CIBAR1: variants seen among roughly 807,000 people sequenced by gnomAD.
The protein encoded by CIBAR1 is CBY1-interacting BAR domain-containing protein 1.
A neutral mutation model predicts 44.0 loss-of-function variants in CIBAR1; 25 were observed. The observed-to-expected ratio is 0.57, with a 90% CI of 0.41 to 0.79. The LOEUF (loss-of-function observed/expected upper bound fraction) is 0.79, where lower values mean the gene tolerates loss of function less well. Ranked by LOEUF, CIBAR1 falls within the 30% of genes least tolerant of loss-of-function variation. The pLI, the probability that CIBAR1 is intolerant of heterozygous loss-of-function variation, is 0.00. For synonymous variants in CIBAR1, 115 were observed against 119.0 expected (o/e 0.97, Z 0.22); for missense variants, 278 against 344.8 (o/e 0.81, Z 1.53).
intron 6 of CIBAR1, among the ~76,000 whole-genome samples, chr8:93,713,738 A>G (rs1049612004): frequency 3.9e-5 from 6 of 152,214 alleles, no homozygotes; most frequent in Non-Finnish European, 7.3e-5. Flanking sequence ...TGAAGGGACT[A>G]TTCTTTCCTC....
At chr8:93,700,756 C>T in intron 1 of CIBAR1, 83 bp downstream of exon 1, 1 of 1,407,880 alleles carries the variant, frequency 7.1e-7, no homozygotes. Context: ...TCCATGGGGC[C>T]TCTGCGCCGA....
intron 6 of CIBAR1, among the ~76,000 whole-genome samples, chr8:93,710,302 A>T (rs574652445): frequency 6.6e-6 from 1 of 152,178 alleles, no homozygotes; most frequent in South Asian, 2.1e-4. Context: ...CCCCACAACA[A>T]CAAAAAGAAA....
At chr8:93,726,667 A>G in intron 8 of CIBAR1, 154 bp downstream of exon 8, 1 of 794,946 alleles carries the variant, frequency 1.3e-6, no homozygotes, top group South Asian at 1.6e-5. Flanking sequence ...GATTGCATTA[A>G]GTGCAGCTCT....
chr8:93,705,108 G>C, intron 4 of CIBAR1, 98 bp downstream of exon 4: 1 of 763,548 alleles, frequency 1.3e-6, no homozygotes, highest in South Asian at 1.7e-5. Flanking sequence ...TAAACGAGTA[G>C]AGAATTTGAA....
intron 6 of CIBAR1, among the ~76,000 whole-genome samples, chr8:93,710,256 C>T (rs534379468): frequency 6.6e-6 from 1 of 152,124 alleles, no homozygotes; most frequent in Admixed American, 6.5e-5. Flanking sequence ...CCCTGCAGTC[C>T]AGCCTGGGCA....
rs1811706851 is a variant in CIBAR1 at position 93,729,575 on chromosome 8, C to CTACATCTTTGTAGGCA, written c.*1281_*1282insATCTTTGTAGGCATAC. The CTACATCTTTGTAGGCA allele has an allele frequency of 6.6e-6, 1 of 152,108 alleles. No individual in the cohort carries two copies. The highest frequency in any genetic ancestry group is 2.4e-5 in the African/African-American group (1 of 41,434). 9.4% of individuals were successfully genotyped at this position (152,108 alleles called of 1,614,324 possible). On this transcript the variant is annotated 3_prime_UTR_variant, in exon 9 of 9. Transcript: ENST00000518322. ...TTCTGGAATAAAACATACATTCTGC[C>CTACATCTTTGTAGGCA]TACCTCAAAGAAATATTCTAAGAAC...
chr8:93,721,755 T>C (rs756441758), intron 7 of CIBAR1, among the ~76,000 whole-genome samples: 14 of 152,188 alleles, frequency 9.2e-5, no homozygotes, highest in South Asian at 2.1e-4. Flanking sequence ...GCAGTAACTT[T>C]AAATCTACCA....
intron 6 of CIBAR1, among the ~76,000 whole-genome samples, chr8:93,714,747 G>T (rs936559567): frequency 6.6e-6 from 1 of 151,898 alleles, no homozygotes; most frequent in Non-Finnish European, 1.5e-5. Context: ...ACCTCCCCAG[G>T]TGCTGGGATT....
At position 93,707,901 on chromosome 8, in the gene CIBAR1, T is replaced by G. The variant is rs1001241561; in HGVS notation, c.433-110T>G. 7.8e-6 allele frequency: 5 copies of G among 637,664 alleles called. No homozygotes were observed. The South Asian group carries it at 1.5e-4, about 19-fold the overall frequency. The allele number at this position is 637,664 out of a possible 1,614,324, so 39.5% of individuals were successfully genotyped here. On this transcript the variant is annotated intron_variant, in intron 4 of 8. Coordinates refer to ENST00000518322, the MANE Select transcript of CIBAR1 (RefSeq NM_145269.5). ...ACCATAATTGATATATGGTTACAAT[T>G]AATATATAACCTAATTGTAAGTGTA...
At chr8:93,719,413 C>A (rs1242331104) in intron 7 of CIBAR1, among the ~76,000 whole-genome samples, 1 of 152,204 alleles carries the variant, frequency 6.6e-6, no homozygotes. Flanking sequence ...TTATTGACTT[C>A]AGTAACATTT....
At chr8:93,700,828 G>C in intron 1 of CIBAR1, 155 bp downstream of exon 1, 1 of 1,321,324 alleles carries the variant, frequency 7.6e-7, no homozygotes, top group Non-Finnish European at 9.6e-7. Context: ...AATTCCTTGG[G>C]CTGCAGCCAC....
At chr8:93,724,155 C>G (rs1228254410) in intron 7 of CIBAR1, among the ~76,000 whole-genome samples, 2 of 152,054 alleles carry the variant, frequency 1.3e-5, no homozygotes, top group African/African-American at 4.8e-5. Flanking sequence ...CCCAGGAGTT[C>G]GAGGCTACAG....
intron 7 of CIBAR1, among the ~76,000 whole-genome samples, chr8:93,724,284 A>G (rs550252310): frequency 6.6e-6 from 1 of 152,348 alleles, no homozygotes; most frequent in Non-Finnish European, 1.5e-5. Context: ...TGTAGAGTCA[A>G]TAAAAGAGAA....
At chr8:93,701,536 T>G (rs1195091506) in intron 2 of CIBAR1, 78 bp downstream of exon 2, 7 of 1,245,906 alleles carry the variant, frequency 5.6e-6, no homozygotes, top group Admixed American at 2.1e-5. Flanking sequence ...AAACTTTCAC[T>G]TGTAATCTAC....
chr8:93,725,430 T>G (rs1271618671), intron 7 of CIBAR1, among the ~76,000 whole-genome samples: 1 of 151,926 alleles, frequency 6.6e-6, no homozygotes, highest in African/African-American at 2.4e-5. Context: ...AGGGGGTCAG[T>G]GAGGATGAAG....
At chr8:93,710,491 A>G (rs916704626) in intron 6 of CIBAR1, among the ~76,000 whole-genome samples, 1 of 152,066 alleles carries the variant, frequency 6.6e-6, no homozygotes, top group African/African-American at 2.4e-5. Flanking sequence ...GGCACTTTAC[A>G]TAAATTCTTG....
At chr8:93,727,806 C>G (rs1811594900) in intron 8 of CIBAR1, among the ~76,000 whole-genome samples, 1 of 152,198 alleles carries the variant, frequency 6.6e-6, no homozygotes, top group Non-Finnish European at 1.5e-5. Context: ...TTAAATCACA[C>G]TACTTTTACA....
chr8:93,709,768 T>C lies in CIBAR1; in HGVS notation c.439-3T>C. On this transcript the variant is annotated splice_region_variant and splice_polypyrimidine_tract_variant and intron_variant, in intron 5 of 8. Coordinates refer to ENST00000518322, the MANE Select transcript of CIBAR1 (RefSeq NM_145269.5). Reference sequence around the variant, plus strand: ...TATCCTTGGTTGGGGAATACTTTTGTAGGCAGAAACGGAATTACAGAGAGC... The same window carrying C: ...TATCCTTGGTTGGGGAATACTTTTGCAGGCAGAAACGGAATTACAGAGAGC... 1 of 1,612,310 alleles carries C rather than the reference T, an allele frequency of 6.2e-7. No homozygotes were observed. The highest frequency in any genetic ancestry group is 8.5e-7 in the Non-Finnish European group (1 of 1,178,964).
rs562703392 is a variant in CIBAR1 at position 93,729,714 on chromosome 8, G to A, written c.*1417G>A. 6 of 152,226 alleles carry A rather than the reference G, an allele frequency of 3.9e-5. No homozygotes were observed. The highest frequency in any genetic ancestry group is 1.9e-4 in the East Asian group (1 of 5,184). The allele number at this position is 152,226 out of a possible 1,614,324, so 9.4% of individuals were successfully genotyped here. A position where few individuals can be genotyped will look rare whatever the true frequency, so the allele number is the denominator to read the frequency against. On this transcript the variant is annotated 3_prime_UTR_variant, in exon 9 of 9. Transcript: ENST00000518322. ...CAGATAGCAAATACTGTTATTCTTCGTGGGTTTAGGCAAATTCAAGACTAT... is the reference window on the plus strand; with the variant it reads ...CAGATAGCAAATACTGTTATTCTTCATGGGTTTAGGCAAATTCAAGACTAT...
Sources: gnomAD v4.1 joint callset for allele counts (sites outside exome capture counted in the v4.1 genomes callset) on GRCh38, gnomAD v4.1.1 for gene constraint, MANE v1.5 for transcripts, NCBI Gene and HGNC (gene_info 2026-07-23, HGNC 2026-07-21) for gene names.